The following ELOVL7 variants were observed in gnomAD, a reference collection of about 807,000 sequenced individuals.
The protein encoded by ELOVL7 is very long chain fatty acid elongase 7.
In ELOVL7, 27 loss-of-function variants were observed where a neutral mutation model predicts 35.7. The observed-to-expected ratio is 0.76, with a 90% CI of 0.56 to 1.04. ELOVL7 has a LOEUF of 1.04. Among genes scored for constraint, ELOVL7 ranks in the 50% least tolerant of loss-of-function variants. ELOVL7 has a pLI of 0.00. For synonymous variants in ELOVL7, 113 were observed against 114.6 expected (o/e 0.99, Z 0.09); for missense variants, 327 against 340.8 (o/e 0.96, Z 0.32).
chr5:60,760,285 T>A (rs1458008158), intron 7 of ELOVL7, among the ~76,000 whole-genome samples: 1 of 152,218 alleles, frequency 6.6e-6, no homozygotes. Context: ...TTTCTTCGCA[T>A]CCTCTCCAGC....
Position 60,752,294 on chromosome 5 carries a change from C to T in ELOVL7, c.*2330G>A, listed in dbSNP as rs977207337. ...TTTGTAGCATTCTGGCTCTCCACTT[C>T]TATTCATATAATTGAGTATGTGTTT... On this transcript the variant is annotated 3_prime_UTR_variant, in exon 9 of 9. Transcript: ENST00000508821. 6.6e-6 allele frequency: 1 copy of T among 152,574 alleles called. No individual in the cohort carries two copies. Among genetic ancestry groups the T allele is most frequent in the African/African-American group, 2.4e-5 (1 of 41,436 alleles). 9.5% of individuals were successfully genotyped at this position (152,574 alleles called of 1,614,324 possible).
chr5:60,812,761 A>G (rs1249480623), intron 1 of ELOVL7, among the ~76,000 whole-genome samples: 1 of 152,174 alleles, frequency 6.6e-6, no homozygotes, highest in Non-Finnish European at 1.5e-5. Flanking sequence ...ATCTGCCTGC[A>G]GTCCCTCATT....
intron 1 of ELOVL7, among the ~76,000 whole-genome samples, chr5:60,815,850 T>C (rs1745486082): frequency 6.6e-6 from 1 of 152,140 alleles, no homozygotes; most frequent in African/African-American, 2.4e-5. Context: ...GATGGAATAG[T>C]AGAGTTATGA....
intron 2 of ELOVL7, 25 bp from the exon 3 acceptor site, chr5:60,787,456 A>C: frequency 7.7e-7 from 1 of 1,297,328 alleles, no homozygotes. Flanking sequence ...AACAGAAATG[A>C]GTTTATAATC....
At chr5:60,770,856 C>T (rs1742538948) in intron 4 of ELOVL7, among the ~76,000 whole-genome samples, 1 of 152,168 alleles carries the variant, frequency 6.6e-6, no homozygotes, top group Admixed American at 6.5e-5. Context: ...CACCGCCACG[C>T]CTGGCTAATT....
chr5:60,791,469 T>A (rs1281368419), intron 2 of ELOVL7, among the ~76,000 whole-genome samples: 1 of 152,122 alleles, frequency 6.6e-6, no homozygotes. Context: ...GAAGCTCAAA[T>A]CTCAGCATCA....
intron 3 of ELOVL7, among the ~76,000 whole-genome samples, chr5:60,778,041 T>C (rs544406373): frequency 6.6e-6 from 1 of 152,220 alleles, no homozygotes; most frequent in African/African-American, 2.4e-5. Context: ...CATATTAAGA[T>C]TTGTCACAGT....
At chr5:60,768,861 A>G (rs943694739) in intron 4 of ELOVL7, among the ~76,000 whole-genome samples, 4 of 152,156 alleles carry the variant, frequency 2.6e-5, no homozygotes, top group Non-Finnish European at 5.9e-5. Flanking sequence ...ATTGAACCAT[A>G]TTTTAAATTT....
At chr5:60,833,165 G>A (rs1746587501) in intron 1 of ELOVL7, among the ~76,000 whole-genome samples, 2 of 152,190 alleles carry the variant, frequency 1.3e-5, no homozygotes. Flanking sequence ...ATGAAAATAT[G>A]ATTATCAGCT....
intron 7 of ELOVL7, among the ~76,000 whole-genome samples, chr5:60,758,249 T>C (rs1741667832): frequency 6.6e-6 from 1 of 152,202 alleles, no homozygotes; most frequent in South Asian, 2.1e-4. Context: ...CATATATTGG[T>C]AGTTTGTGTT....
intron 2 of ELOVL7, among the ~76,000 whole-genome samples, chr5:60,794,567 G>C (rs1744132727): frequency 1.3e-5 from 2 of 152,236 alleles, no homozygotes; most frequent in Non-Finnish European, 2.9e-5. Flanking sequence ...TTTCCAGGTA[G>C]ACTTTCAAAT....
At chr5:60,760,437 C>T (rs991784470) in intron 7 of ELOVL7, among the ~76,000 whole-genome samples, 5 of 152,132 alleles carry the variant, frequency 3.3e-5, no homozygotes, top group African/African-American at 1.2e-4. Context: ...TAAATGTCTT[C>T]TTTTGAGAAG....
intron 1 of ELOVL7, among the ~76,000 whole-genome samples, chr5:60,840,624 G>T (rs1463536680): frequency 2.0e-5 from 3 of 152,090 alleles, no homozygotes; most frequent in Non-Finnish European, 4.4e-5. Context: ...TAATAATACT[G>T]TTCATGTTTA....
intron 1 of ELOVL7, among the ~76,000 whole-genome samples, chr5:60,800,432 TC>T (rs1402789257): frequency 6.6e-6 from 1 of 152,180 alleles, no homozygotes; most frequent in Non-Finnish European, 1.5e-5. Context: ...AAATTCAGCA[TC>T]CTTTTATAAT....
At position 60,839,846 on chromosome 5, in the gene ELOVL7, A is replaced by C. The variant is rs186106875; in HGVS notation, c.-86+4314T>G. Among the ~76,000 whole-genome samples the C allele has an allele frequency of 2.6e-5, 4 of 152,252 alleles. No homozygotes were observed. The East Asian group carries it at 5.8e-4, about 22-fold the overall frequency. ...GAGACTCTGTCTCTATAAAAGATAC[A>C]AAAAATTAGCCAGGCATGGTGACAT... On this transcript the variant is annotated intron_variant, in intron 1 of 8. Coordinates refer to ENST00000508821, the MANE Select transcript of ELOVL7 (RefSeq NM_024930.3).
intron 3 of ELOVL7, among the ~76,000 whole-genome samples, chr5:60,783,900 G>C (rs1743408325): frequency 6.6e-6 from 1 of 152,138 alleles, no homozygotes; most frequent in Non-Finnish European, 1.5e-5. Flanking sequence ...GATGTTTCAT[G>C]TACCTTCTTT....
At chr5:60,759,747 C>T (rs149359948) in intron 7 of ELOVL7, among the ~76,000 whole-genome samples, 143 of 151,998 alleles carry the variant, frequency 9.4e-4, no homozygotes, top group Non-Finnish European at 1.2e-3. Flanking sequence ...ATTAACTTGT[C>T]ATTTAGCATT....
intron 1 of ELOVL7, among the ~76,000 whole-genome samples, chr5:60,835,369 G>A (rs1016585665): frequency 1.1e-4 from 17 of 151,668 alleles, no homozygotes; most frequent in African/African-American, 3.6e-4. Flanking sequence ...CACTTTTAAG[G>A]CAAGCTCAGG....
chr5:60,764,942 A>T (rs886335857), intron 6 of ELOVL7, among the ~76,000 whole-genome samples: 1 of 152,142 alleles, frequency 6.6e-6, no homozygotes, highest in Non-Finnish European at 1.5e-5. Flanking sequence ...GTTTGTAAAA[A>T]CCCTGTCAAC....
Sources: gnomAD v4.1 joint callset for allele counts (sites outside exome capture counted in the v4.1 genomes callset) on GRCh38, gnomAD v4.1.1 for gene constraint, MANE v1.5 for transcripts, NCBI Gene and HGNC (gene_info 2026-07-23, HGNC 2026-07-21) for gene names.